Variants in DNAH7 observed in about 807,000 individuals in gnomAD.
The protein encoded by DNAH7 is dynein axonemal heavy chain 7, also known as axonemal beta dynein heavy chain 7.
DNAH7 carries 397 observed loss-of-function variants against 444.6 expected under a neutral mutation model. That is an observed-to-expected ratio of 0.89 (90% CI 0.82 to 0.97). The LOEUF is 0.97. Among genes scored for constraint, DNAH7 ranks in the 50% least tolerant of loss-of-function variants. The pLI is 0.00. For missense variants in DNAH7, 4,902 were observed against 4,800.8 expected (o/e 1.02, Z -0.62); for synonymous variants, 1,636 against 1,624.4 (o/e 1.01, Z -0.17).
chr2:195,870,167 G>A lies in DNAH7; in HGVS notation c.6633+2083C>T, dbSNP rs560458248. Among the ~76,000 whole-genome samples the A allele has an allele frequency of 2.0e-5, 3 of 152,212 alleles. No homozygotes were observed. In the East Asian group the frequency reaches 5.8e-4, roughly 29 times the overall value. ...CCAATATTTATTGAGTGTTTTCTGTGTGCCAGGCACTGGGAAAACCAGCGC... is the reference window on the plus strand; with the variant it reads ...CCAATATTTATTGAGTGTTTTCTGTATGCCAGGCACTGGGAAAACCAGCGC... On this transcript the variant is annotated intron_variant, in intron 40 of 64. Coordinates refer to ENST00000312428, the MANE Select transcript of DNAH7 (RefSeq NM_018897.3).
chr2:195,793,691 A>G (rs1695999060), intron 57 of DNAH7, among the ~76,000 whole-genome samples: 2 of 152,328 alleles, frequency 1.3e-5, no homozygotes, highest in South Asian at 4.1e-4. Context: ...ATGTGCACTT[A>G]AAACAAATTC....
intron 29 of DNAH7, among the ~76,000 whole-genome samples, chr2:195,897,205 A>C (rs999725619): frequency 6.6e-6 from 1 of 152,206 alleles, no homozygotes; most frequent in African/African-American, 2.4e-5. Flanking sequence ...TTATAATAAG[A>C]TTATTAAGCT....
At position 195,950,851 on chromosome 2, in the gene DNAH7, CAAAA is replaced by C. The variant is rs67782183; in HGVS notation, c.3078+6406_3078+6409del. Among the ~76,000 whole-genome samples, 261 of 36,696 alleles carry C rather than the reference CAAAA, an allele frequency of 7.1e-3. 1 individual carries two copies. Among genetic ancestry groups the C allele is most frequent in the South Asian group, 0.036 (17 of 474 alleles). The allele number at this position is 36,696 out of a possible 152,430, so 24.1% of individuals were successfully genotyped here. On this transcript the variant is annotated intron_variant, in intron 19 of 64. Coordinates refer to ENST00000312428, the MANE Select transcript of DNAH7 (RefSeq NM_018897.3). The stretch of plus-strand genomic sequence containing the variant: ...TAGGCAACAGAGTGGGACTCTGTCT[CAAAA>C]AAAAAAAAAAAAAAAAAAAAAAAAC...
chr2:196,047,140 C>T (rs1697182855), intron 5 of DNAH7, among the ~76,000 whole-genome samples: 1 of 152,166 alleles, frequency 6.6e-6, no homozygotes, highest in Non-Finnish European at 1.5e-5. Context: ...TAAGTATTAA[C>T]ATTGCTACCT....
At chr2:195,898,331 T>C (rs1471475206) in intron 28 of DNAH7, among the ~76,000 whole-genome samples, 1 of 152,200 alleles carries the variant, frequency 6.6e-6, no homozygotes, top group South Asian at 2.1e-4. Flanking sequence ...GCCAGTGCTC[T>C]TCAAAGATAC....
chr2:195,765,514 T>C (rs1291182762), intron 61 of DNAH7, among the ~76,000 whole-genome samples: 3 of 152,064 alleles, frequency 2.0e-5, no homozygotes, highest in Non-Finnish European at 4.4e-5. Flanking sequence ...TATAAGATGG[T>C]CAAACAACTC....
chr2:196,016,543 A>G (rs1415836171), intron 9 of DNAH7, among the ~76,000 whole-genome samples: 1 of 152,208 alleles, frequency 6.6e-6, no homozygotes, highest in Non-Finnish European at 1.5e-5. Context: ...GTATTCTGAA[A>G]GCTAAAGCCA....
intron 14 of DNAH7, among the ~76,000 whole-genome samples, chr2:195,985,702 C>T (rs1692860594): frequency 6.6e-6 from 1 of 152,100 alleles, no homozygotes; most frequent in South Asian, 2.1e-4. Context: ...GTAGAACTGG[C>T]ACAAGCTCAG....
chr2:196,007,598 C>G (rs1360753706), intron 10 of DNAH7, among the ~76,000 whole-genome samples: 1 of 152,142 alleles, frequency 6.6e-6, no homozygotes, highest in Non-Finnish European at 1.5e-5. Flanking sequence ...CTCCATGTGT[C>G]AAAGCTGAGA....
chr2:195,828,615 T>A (rs867806239), intron 48 of DNAH7, among the ~76,000 whole-genome samples: 3,163 of 138,126 alleles, frequency 0.023, 50 homozygotes, highest in East Asian at 0.074. Context: ...TATATATTTT[T>A]TTTTTTTTTT....
chr2:195,904,596 C>A (rs533017099), intron 27 of DNAH7: 1 of 152,070 alleles, frequency 6.6e-6, no homozygotes, highest in East Asian at 1.9e-4. Flanking sequence ...ATAGATAACA[C>A]TGGTAGCACT....
intron 27 of DNAH7, chr2:195,900,789 AAAGAG>A (rs1289761260): frequency 4.5e-6 from 1 of 221,648 alleles, no homozygotes; most frequent in African/African-American, 2.3e-5. Flanking sequence ...TAAATAGCTA[AAAGAG>A]AAGAATTTGA....
chr2:195,999,143 T>C, intron 12 of DNAH7: 1 of 717,406 alleles, frequency 1.4e-6, no homozygotes, highest in South Asian at 1.5e-5. Flanking sequence ...GACACAATCT[T>C]AAAATGAGAG....
intron 5 of DNAH7, among the ~76,000 whole-genome samples, chr2:196,044,970 G>A (rs1405874840): frequency 6.6e-6 from 1 of 152,038 alleles, no homozygotes; most frequent in East Asian, 1.9e-4. Context: ...GGAGGCTGAG[G>A]TGGGAGAAAC....
intron 24 of DNAH7, among the ~76,000 whole-genome samples, chr2:195,911,997 T>G (rs1460233116): frequency 6.6e-6 from 1 of 152,200 alleles, no homozygotes; most frequent in East Asian, 1.9e-4. Context: ...TTTCTTGGAA[T>G]TTTGACTAAA....
chr2:195,901,489 T>C (rs1490042567), intron 27 of DNAH7: 1 of 152,176 alleles, frequency 6.6e-6, no homozygotes, highest in Non-Finnish European at 1.5e-5. Flanking sequence ...TTCTTTTTCG[T>C]CTAAGTGTTC....
chr2:195,946,435 A>G (rs1384463620), intron 19 of DNAH7, among the ~76,000 whole-genome samples: 1 of 152,140 alleles, frequency 6.6e-6, no homozygotes, highest in Admixed American at 6.6e-5. Flanking sequence ...CTCAAGATGA[A>G]GTCCCTCAGC....
In DNAH7 at chr2:195,792,394, TACACACACACACAC is replaced by T. The variant is rs59046004; in HGVS notation, c.10716+1930_10716+1943del. Reference sequence around the variant, plus strand: ...TTGAAAGTACAAAAAAACCAAAAAATACACACACACACACACACACACACACACACACACACACA... The same window carrying T: ...TTGAAAGTACAAAAAAACCAAAAAATACACACACACACACACACACACACA... On this transcript the variant is annotated intron_variant, in intron 57 of 64. Transcript: ENST00000312428. Among the ~76,000 whole-genome samples, 346 of 117,330 alleles carry T rather than the reference TACACACACACACAC, an allele frequency of 2.9e-3. 2 individuals are homozygous for T. The highest frequency in any genetic ancestry group is 4.3e-3 in the Non-Finnish European group (247 of 56,818). 77.0% of individuals were successfully genotyped at this position (117,330 alleles called of 152,430 possible). A position where few individuals can be genotyped will look rare whatever the true frequency, so the allele number is the denominator to read the frequency against.
chr2:195,809,790 G>C lies in DNAH7; in HGVS notation c.9843C>G (p.Leu3281=). 6.3e-7 allele frequency: 1 copy of C among 1,599,458 alleles called. No individual in the cohort carries two copies. The highest frequency in any genetic ancestry group is 1.7e-5 in the Admixed American group (1 of 58,680). ...CRSLFEKDKL[L]FSFCLTINLL... ...GATTTATGGTTAGACAAAAGGAAAA[G>C]AGCAGCTTATCCTTTTCAAAGAGTG... Residue 3281 remains leucine, a synonymous_variant, in exon 52 of 65, where the codon CTC becomes CTG. Transcript: ENST00000312428.
Sources: allele counts gnomAD v4.1 joint callset (sites outside exome capture counted in the v4.1 genomes callset), GRCh38; gene constraint gnomAD v4.1.1; transcripts MANE v1.5; gene names NCBI Gene and HGNC (gene_info 2026-07-23, HGNC 2026-07-21).